The following CHUK variants were observed in gnomAD, a reference collection of about 807,000 sequenced individuals.
CHUK encodes the protein component of inhibitor of nuclear factor kappa B kinase complex.
CHUK carries 35 observed loss-of-function variants against 104.8 expected under a neutral mutation model. The observed-to-expected ratio is 0.33, with a 90% CI of 0.26 to 0.44. The LOEUF is 0.44. Ranked by LOEUF, CHUK falls within the 20% of genes least tolerant of loss-of-function variation. The pLI is 1.00. For synonymous variants in CHUK, 276 were observed against 291.9 expected (o/e 0.95, Z 0.56); for missense variants, 663 against 902.7 (o/e 0.73, Z 3.40).
rs1306072278 is a variant in CHUK, at chr10:100,192,848, A to G, written c.2108+450T>C. The G allele has an allele frequency of 8.6e-6, 5 of 583,050 alleles. No homozygotes were observed. The East Asian group carries it at 6.6e-4, about 77-fold the overall frequency. 36.1% of individuals were successfully genotyped at this position (583,050 alleles called of 1,614,324 possible). On this transcript the variant is annotated intron_variant, in intron 19 of 20. Coordinates refer to ENST00000370397, the MANE Select transcript of CHUK (RefSeq NM_001278.5). ...AATACAAAGTTATAAAATAGATCTC[A>G]AAAATTTATTAGAAGGGTAATCAAG...
rs373590755 is a variant in CHUK at position 100,225,954 on chromosome 10, G to T, written c.169C>A (p.Arg57=). ...ATAATCTGGATTTCATGGCACCATC[G>T]TTCTCTGTTTTTGGTACTTAGCTCT... The part of the protein sequence containing the change: ...RLELSTKNRE[R]WCHEIQIMKK... The change falls in exon 2 of 21, where the codon CGA becomes AGA. Residue 57 remains arginine, a synonymous_variant. Coordinates refer to ENST00000370397, the MANE Select transcript of CHUK (RefSeq NM_001278.5). The T allele has an allele frequency of 1.9e-6, 3 of 1,606,896 alleles. No individual in the cohort carries two copies. The highest frequency in any genetic ancestry group is 1.7e-5 in the Admixed American group (1 of 59,962).
At chr10:100,201,432 G>A (rs1035038574) in intron 14 of CHUK, among the ~76,000 whole-genome samples, 2 of 152,088 alleles carry the variant, frequency 1.3e-5, no homozygotes, top group African/African-American at 2.4e-5. Context: ...GTATAAACTG[G>A]GACAGTCCCA....
At chr10:100,210,083 ATTTATTTATTTT>A (rs1168933280) in intron 9 of CHUK, among the ~76,000 whole-genome samples, 20 of 130,172 alleles carry the variant, frequency 1.5e-4, no homozygotes, top group African/African-American at 1.0e-4. Context: ...TTATTTATTT[ATTTATTTATTTT>A]TTTTTTTTTT....
chr10:100,205,638 C>T (rs1845571704), intron 11 of CHUK, among the ~76,000 whole-genome samples: 1 of 152,134 alleles, frequency 6.6e-6, no homozygotes, highest in Admixed American at 6.5e-5. Context: ...TTTAAGAATA[C>T]ACACAAGAGC....
At chr10:100,223,546 G>C (rs1214648253) in intron 2 of CHUK, among the ~76,000 whole-genome samples, 3 of 152,100 alleles carry the variant, frequency 2.0e-5, no homozygotes, top group Non-Finnish European at 4.4e-5. Flanking sequence ...GCTGAGGTGG[G>C]AGGACTGCTT....
intron 2 of CHUK, among the ~76,000 whole-genome samples, chr10:100,225,081 C>A (rs898493479): frequency 2.0e-5 from 3 of 152,186 alleles, no homozygotes; most frequent in African/African-American, 7.2e-5. Context: ...AACTCCTGAG[C>A]TCAAGCAATC....
Position 100,194,039 on chromosome 10 carries a change from A to G in CHUK, c.1919T>C (p.Met640Thr), listed in dbSNP as rs1217212790. 3.1e-6 allele frequency: 5 copies of G among 1,613,834 alleles called. No homozygotes were observed. The highest frequency in any genetic ancestry group is 8.5e-7 in the Non-Finnish European group (1 of 1,179,770). ...TTTCTGCCTTTTTCCCTGCATGAAC[A>G]TGACAGTATTGTCAGCTTCTTTGAT... ...SNIKEADNTV[M>T]FMQGKRQKEI... Residue 640 changes from methionine to threonine, a missense_variant, in exon 18 of 21, where the codon ATG (methionine) becomes ACG (threonine). This residue lies in a region of CHUK where 311 missense variants were observed against 393.4 expected (regional missense o/e 0.79). Transcript: ENST00000370397.
At chr10:100,214,268 A>G (rs184960093) in intron 9 of CHUK, among the ~76,000 whole-genome samples, 1 of 152,274 alleles carries the variant, frequency 6.6e-6, no homozygotes, top group Admixed American at 6.5e-5. Context: ...GGTACATACT[A>G]TTGGTACATA....
In CHUK at chr10:100,209,620, G is replaced by A. The variant is rs1029083245; in HGVS notation, c.1103C>T (p.Ala368Val). 4 of 1,607,908 alleles carry A rather than the reference G, an allele frequency of 2.5e-6. No homozygotes were observed. The African/African-American group carries it at 4.0e-5, about 16-fold the overall frequency. The stretch of plus-strand genomic sequence containing the variant: ...AACTCCATCTAGAACACATTGAGAG[G>A]CTGGTTTCCGAGGATCCAGAGAAAT... ...TGISLDPRKP[A>V]SQCVLDGVRG... Residue 368 changes from alanine to valine, a missense_variant, in exon 10 of 21, where the codon GCC (alanine) becomes GTC (valine). Coordinates refer to ENST00000370397, the MANE Select transcript of CHUK (RefSeq NM_001278.5).
rs1156908924 is a variant in CHUK, at chr10:100,189,441, A to G, written c.*157T>C. Reference sequence around the variant, plus strand: ...TACTCAAAACTGTTATACTTGTAAAATCATGTTCTTCTGATCATAGTAGAA... The same window carrying G: ...TACTCAAAACTGTTATACTTGTAAAGTCATGTTCTTCTGATCATAGTAGAA... On this transcript the variant is annotated 3_prime_UTR_variant, in exon 21 of 21. Transcript: ENST00000370397. The G allele has an allele frequency of 2.0e-5, 13 of 664,828 alleles. No homozygotes were observed. Among genetic ancestry groups the G allele is most frequent in the Non-Finnish European group, 5.5e-6 (2 of 364,594 alleles). 41.2% of individuals were successfully genotyped at this position (664,828 alleles called of 1,614,324 possible).
At chr10:100,222,287 A>AAAT in intron 3 of CHUK, 106 bp from the exon 4 acceptor site, 1 of 680,152 alleles carries the variant, frequency 1.5e-6, no homozygotes, top group Non-Finnish European at 2.6e-6. Flanking sequence ...ATGAGAAAAT[A>AAAT]AGTCATAATA....
In CHUK at chr10:100,218,788, A is replaced by C. The variant is rs1845920160; in HGVS notation, c.727T>G (p.Phe243Val). 2 of 1,613,966 alleles carry C rather than the reference A, an allele frequency of 1.2e-6. No homozygotes were observed. The highest frequency in any genetic ancestry group is 4.5e-5 in the East Asian group (2 of 44,854). The change falls in exon 8 of 21, where the codon TTT becomes GTT. Residue 243 changes from phenylalanine (F) to valine (V), a missense_variant. Physicochemically the swap from Phe to Val is conservative, Grantham distance 50. Coordinates refer to ENST00000370397, the MANE Select transcript of CHUK (RefSeq NM_001278.5). ...TCTCCTGACATCTCTTCACATGCAA[A>C]TATACACTTTGGATCCTTCTTCTTA... Reference protein sequence around the residue: ...KIKKKDPKCIFACEEMSGEVR... With the variant: ...KIKKKDPKCIVACEEMSGEVR...
At chr10:100,217,505 G>T (rs1845885721) in intron 9 of CHUK, among the ~76,000 whole-genome samples, 1 of 152,088 alleles carries the variant, frequency 6.6e-6, no homozygotes, top group Non-Finnish European at 1.5e-5. Flanking sequence ...AATTAACAAA[G>T]ACCACAGAGA....
chr10:100,194,659 G>T, intron 16 of CHUK, 138 bp from the exon 17 acceptor site: 1 of 603,556 alleles, frequency 1.7e-6, no homozygotes. Flanking sequence ...TAAAAATTGG[G>T]TTAAGATAAA....
chr10:100,226,399 G>T (rs1320842228), intron 1 of CHUK, among the ~76,000 whole-genome samples: 1 of 152,086 alleles, frequency 6.6e-6, no homozygotes, highest in Non-Finnish European at 1.5e-5. Context: ...AATGAAGAAG[G>T]TAATTCAGGG....
intron 18 of CHUK, 45 bp downstream of exon 18, chr10:100,193,939 T>C (rs748806945): frequency 6.4e-7 from 1 of 1,560,118 alleles, no homozygotes; most frequent in South Asian, 1.1e-5. Context: ...CAAGGAATAA[T>C]AGCAACTCAA....
chr10:100,214,651 C>CATT (rs1845811069), intron 9 of CHUK, among the ~76,000 whole-genome samples: 1 of 152,052 alleles, frequency 6.6e-6, no homozygotes, highest in Non-Finnish European at 1.5e-5. Context: ...CCTCTCAGGG[C>CATT]ATTAGTAAGA....
rs754017604 is a variant in CHUK, at chr10:100,229,412, T to C, written c.105+16A>G. 3 of 1,589,212 alleles carry C rather than the reference T, an allele frequency of 1.9e-6. No homozygotes were observed. The highest frequency in any genetic ancestry group is 1.1e-5 in the South Asian group (1 of 90,230). On this transcript the variant is annotated intron_variant, in intron 1 of 20. Coordinates refer to ENST00000370397, the MANE Select transcript of CHUK (RefSeq NM_001278.5). ...CGCTCCAACCCACCGCCGCTCCCTC[T>C]CACGCCCCGCCTCACCCGATGCTGG...
chr10:100,206,603 A>C (rs1024633002), intron 11 of CHUK, among the ~76,000 whole-genome samples: 1 of 152,220 alleles, frequency 6.6e-6, no homozygotes, highest in African/African-American at 2.4e-5. Context: ...TGTGGATTAC[A>C]CAAGTATCTA....
Sources: allele counts gnomAD v4.1 joint callset (sites outside exome capture counted in the v4.1 genomes callset), GRCh38; gene constraint gnomAD v4.1.1; regional missense constraint gnomAD v4.1.1; transcripts MANE v1.5; gene names NCBI Gene and HGNC (gene_info 2026-07-23, HGNC 2026-07-21).